Variants in ARHGAP44 observed in about 807,000 individuals in gnomAD.
ARHGAP44 encodes Rho GTPase activating protein 44, also known as rho GTPase-activating protein 44.
Under a neutral mutation model 106.8 loss-of-function variants are expected in ARHGAP44, and 43 were observed. The observed-to-expected ratio is 0.40, with a 90% CI of 0.32 to 0.52. The LOEUF (loss-of-function observed/expected upper bound fraction) is 0.52. Among genes scored for constraint, ARHGAP44 ranks in the 20% least tolerant of loss-of-function variants. ARHGAP44 has a pLI of 0.48. For missense variants in ARHGAP44, 866 were observed against 1,050.5 expected (o/e 0.82, Z 2.43); for synonymous variants, 439 against 410.3 (o/e 1.07, Z -0.85).
chr17:12,806,271 T>C (rs2034270590), intron 1 of ARHGAP44, among the ~76,000 whole-genome samples: 1 of 152,130 alleles, frequency 6.6e-6, no homozygotes, highest in Non-Finnish European at 1.5e-5. Context: ...AACTGAGACC[T>C]GAAGGGGAAA....
intron 1 of ARHGAP44, among the ~76,000 whole-genome samples, chr17:12,806,661 A>G (rs1222541415): frequency 1.3e-5 from 2 of 152,214 alleles, no homozygotes; most frequent in African/African-American, 4.8e-5. Flanking sequence ...CCATAGGTGC[A>G]TATTTTGGCT....
chr17:12,839,968 A>T (rs906938050), intron 1 of ARHGAP44, among the ~76,000 whole-genome samples: 1 of 152,226 alleles, frequency 6.6e-6, no homozygotes, highest in African/African-American at 2.4e-5. Flanking sequence ...TCAGTTGTAT[A>T]AATTTCAGAT....
At chr17:12,894,590 T>C (rs2037148077) in intron 1 of ARHGAP44, among the ~76,000 whole-genome samples, 1 of 152,188 alleles carries the variant, frequency 6.6e-6, no homozygotes, top group African/African-American at 2.4e-5. Flanking sequence ...AGATTTCTGC[T>C]ACATTAGCTT....
chr17:12,970,063 A>G (rs1415001923), intron 16 of ARHGAP44, among the ~76,000 whole-genome samples: 1 of 152,120 alleles, frequency 6.6e-6, no homozygotes, highest in Non-Finnish European at 1.5e-5. Context: ...ACCTTGCCAA[A>G]ATGAGGACTT....
At chr17:12,894,490 C>T (rs2037145519) in intron 1 of ARHGAP44, among the ~76,000 whole-genome samples, 1 of 152,160 alleles carries the variant, frequency 6.6e-6, no homozygotes, top group Admixed American at 6.5e-5. Context: ...GTGGACATAA[C>T]ACTTGGTTGC....
intron 10 of ARHGAP44, among the ~76,000 whole-genome samples, chr17:12,945,159 G>A (rs2038819625): frequency 6.6e-6 from 1 of 151,944 alleles, no homozygotes; most frequent in South Asian, 2.1e-4. Context: ...ACAGGCATGT[G>A]CCACCATGCC....
At chr17:12,806,663 AT>A (rs2034283042) in intron 1 of ARHGAP44, among the ~76,000 whole-genome samples, 1 of 152,174 alleles carries the variant, frequency 6.6e-6, no homozygotes, top group Non-Finnish European at 1.5e-5. Flanking sequence ...ATAGGTGCAT[AT>A]TTTGGCTCTA....
intron 1 of ARHGAP44, among the ~76,000 whole-genome samples, chr17:12,885,365 C>A (rs1179155782): frequency 7.5e-5 from 11 of 147,230 alleles, no homozygotes; most frequent in Admixed American, 6.8e-5. Flanking sequence ...CATAAATGTT[C>A]TTTTCTCTAG....
intron 1 of ARHGAP44, among the ~76,000 whole-genome samples, chr17:12,824,601 C>T (rs2034865950): frequency 6.6e-6 from 1 of 152,076 alleles, no homozygotes; most frequent in African/African-American, 2.4e-5. Flanking sequence ...GGCCCTCTTC[C>T]ACTTTGCTTC....
chr17:12,920,467 C>T (rs1215528541), intron 6 of ARHGAP44, among the ~76,000 whole-genome samples: 4 of 150,484 alleles, frequency 2.7e-5, no homozygotes, highest in African/African-American at 9.9e-5. Context: ...AGAGAAAAAG[C>T]TTTTTTGAGG....
At chr17:12,989,933 G>C (rs1444956237) in intron 20 of ARHGAP44, 99 bp from the exon 21 acceptor site, 3 of 1,502,980 alleles carry the variant, frequency 2.0e-6, no homozygotes, top group Non-Finnish European at 2.7e-6. Context: ...TAGAATAGCA[G>C]CACCCCTGCC....
chr17:12,987,107 GAC>G lies in ARHGAP44; in HGVS notation c.2317+2201_2317+2202del, dbSNP rs1396035938. 9 of 1,532,726 alleles carry G rather than the reference GAC, an allele frequency of 5.9e-6. No homozygotes were observed. In the Admixed American group the frequency reaches 1.8e-4, roughly 30 times the overall value. The allele number at this position is 1,532,726 out of a possible 1,614,324, so 94.9% of individuals were successfully genotyped here. A position where few individuals can be genotyped will look rare whatever the true frequency, so the allele number is the denominator to read the frequency against. The stretch of plus-strand genomic sequence containing the variant: ...TATCATTGTGTTCTTGCAGCTGTGT[GAC>G]ATGAGTGGCGCAGTTTTGGATACGT... On this transcript the variant is annotated intron_variant, in intron 20 of 20. Coordinates refer to ENST00000379672, the MANE Select transcript of ARHGAP44 (RefSeq NM_014859.6).
rs2039602461 is a variant in ARHGAP44 at position 12,974,079 on chromosome 17, C to A, written c.1542-10C>A. 1 of 1,557,220 alleles carries A rather than the reference C, an allele frequency of 6.4e-7. No homozygotes were observed. Among genetic ancestry groups the A allele is most frequent in the Non-Finnish European group, 8.7e-7 (1 of 1,150,226 alleles). On this transcript the variant is annotated splice_polypyrimidine_tract_variant and intron_variant, in intron 17 of 20. Coordinates refer to ENST00000379672, the MANE Select transcript of ARHGAP44 (RefSeq NM_014859.6). ...GCGTGGGTAAGCGGTGTCTTTGTGTCCCTCGCCAGCATGGGTGTGAGGGTC... is the reference window on the plus strand; with the variant it reads ...GCGTGGGTAAGCGGTGTCTTTGTGTACCTCGCCAGCATGGGTGTGAGGGTC...
chr17:12,929,296 A>C (rs2038333689), intron 7 of ARHGAP44: 1 of 344,312 alleles, frequency 2.9e-6, no homozygotes, highest in Non-Finnish European at 5.5e-6. Flanking sequence ...GCAAAGAGGA[A>C]TGACCTTTAT....
In ARHGAP44 at chr17:12,818,335, G is replaced by GAAAAA. The variant is rs376432420; in HGVS notation, c.53+28458_53+28462dup. On this transcript the variant is annotated intron_variant, in intron 1 of 20. Coordinates refer to ENST00000379672, the MANE Select transcript of ARHGAP44 (RefSeq NM_014859.6). ...AAACTGGTAAGGTGCATCTGGAAAAGAAAAAAAAAAAAAAAAAACAACCCT... is the reference window on the plus strand; with the variant it reads ...AAACTGGTAAGGTGCATCTGGAAAAGAAAAAAAAAAAAAAAAAAAAAAACAACCCT... Among the ~76,000 whole-genome samples the GAAAAA allele has an allele frequency of 5.7e-3, 518 of 91,658 alleles. 10 individuals are homozygous for GAAAAA. The highest frequency in any genetic ancestry group is 0.05 in the South Asian group (142 of 2,836). 60.1% of individuals were successfully genotyped at this position (91,658 alleles called of 152,430 possible). A position where few individuals can be genotyped will look rare whatever the true frequency, so the allele number is the denominator to read the frequency against.
At chr17:12,953,707 C>T (rs1312915638) in intron 13 of ARHGAP44, among the ~76,000 whole-genome samples, 1 of 152,042 alleles carries the variant, frequency 6.6e-6, no homozygotes, top group Non-Finnish European at 1.5e-5. Flanking sequence ...CGTGGATGAA[C>T]CTTGAGGACG....
chr17:12,943,474 G>T, intron 8 of ARHGAP44, 114 bp from the exon 9 acceptor site: 1 of 858,492 alleles, frequency 1.2e-6, no homozygotes, highest in Non-Finnish European at 1.9e-6. Context: ...GGAGGGAATG[G>T]GTGACTACCT....
chr17:12,959,934 T>A (rs1244270756), intron 16 of ARHGAP44, among the ~76,000 whole-genome samples: 1 of 152,144 alleles, frequency 6.6e-6, no homozygotes, highest in Non-Finnish European at 1.5e-5. Flanking sequence ...CCTAAAGCGG[T>A]GCAGGAGGGA....
intron 10 of ARHGAP44, among the ~76,000 whole-genome samples, chr17:12,944,619 G>T (rs2038801436): frequency 6.6e-6 from 1 of 151,120 alleles, no homozygotes; most frequent in African/African-American, 2.4e-5. Flanking sequence ...CCAAGTAGCT[G>T]GGACTACAGG....
Sources: allele counts gnomAD v4.1 joint callset (sites outside exome capture counted in the v4.1 genomes callset), GRCh38; gene constraint gnomAD v4.1.1; transcripts MANE v1.5; gene names NCBI Gene and HGNC (gene_info 2026-07-23, HGNC 2026-07-21).